ERC2: variants seen among roughly 807,000 people sequenced by gnomAD.
ERC2 encodes ELKS/RAB6-interacting/CAST family member 2, also known as ERC protein 2.
In ERC2, 42 loss-of-function variants were observed where a neutral mutation model predicts 114.8. That is an observed-to-expected ratio of 0.37 (90% CI 0.29 to 0.47). The LOEUF is 0.47. ERC2 is among the 20% of genes least tolerant of loss of function. ERC2 has a pLI of 0.99. For missense variants in ERC2, 939 were observed against 1,150.7 expected (o/e 0.82, Z 2.66); for synonymous variants, 454 against 425.5 (o/e 1.07, Z -0.82).
chr3:56,065,437 C>T (rs1293961799), intron 7 of ERC2, among the ~76,000 whole-genome samples: 1 of 151,858 alleles, frequency 6.6e-6, no homozygotes, highest in African/African-American at 2.4e-5. Context: ...CCCCGGGCTG[C>T]TCTCAAATTC....
intron 6 of ERC2, among the ~76,000 whole-genome samples, chr3:56,107,928 T>G (rs1282851979): frequency 6.6e-6 from 1 of 152,208 alleles, no homozygotes; most frequent in African/African-American, 2.4e-5. Context: ...TGTCAAGAAA[T>G]CTTACTATCC....
chr3:55,572,916 AG>A (rs1426082627), intron 17 of ERC2, among the ~76,000 whole-genome samples: 1 of 152,192 alleles, frequency 6.6e-6, no homozygotes, highest in Non-Finnish European at 1.5e-5. Flanking sequence ...AACACTTCTA[AG>A]TACTGCAGGT....
intron 17 of ERC2, among the ~76,000 whole-genome samples, chr3:55,613,293 T>A (rs1211827120): frequency 6.6e-6 from 1 of 152,186 alleles, no homozygotes; most frequent in Non-Finnish European, 1.5e-5. Context: ...TACATTTCCC[T>A]TGAAAGGTTA....
intron 2 of ERC2, among the ~76,000 whole-genome samples, chr3:56,404,167 G>T (rs2060623435): frequency 6.6e-6 from 1 of 152,204 alleles, no homozygotes; most frequent in Non-Finnish European, 1.5e-5. Flanking sequence ...AAACAGTGAA[G>T]AAAAGTATTA....
chr3:55,774,027 G>A (rs2068421197), intron 14 of ERC2, among the ~76,000 whole-genome samples: 1 of 152,066 alleles, frequency 6.6e-6, no homozygotes, highest in African/African-American at 2.4e-5. Flanking sequence ...TAATCTTTTT[G>A]AAAAACATCC....
chr3:56,291,512 A>C (rs1413670875), intron 3 of ERC2, among the ~76,000 whole-genome samples: 1 of 152,174 alleles, frequency 6.6e-6, no homozygotes, highest in East Asian at 1.9e-4. Flanking sequence ...TGCCAACTCC[A>C]AATCTCCTAA....
At chr3:55,743,593 C>CAAAAAAAAAAA (rs367859231) in intron 14 of ERC2, among the ~76,000 whole-genome samples, 11 of 97,172 alleles carry the variant, frequency 1.1e-4, no homozygotes, top group East Asian at 3.0e-4. Flanking sequence ...CCTGATCCAC[C>CAAAAAAAAAAA]AAAAAAAAAA....
chr3:55,671,767 TGC>T (rs2148736895), intron 17 of ERC2, among the ~76,000 whole-genome samples: 1 of 152,298 alleles, frequency 6.6e-6, no homozygotes, highest in African/African-American at 2.4e-5. Flanking sequence ...TAGCTCCACC[TGC>T]TTGGAAAATG....
At chr3:56,451,587 A>C (rs970190845) in intron 1 of ERC2, among the ~76,000 whole-genome samples, 1 of 152,242 alleles carries the variant, frequency 6.6e-6, no homozygotes, top group African/African-American at 2.4e-5. Context: ...GGTATACAGA[A>C]ACCCCCTTAA....
At chr3:56,110,975 G>A (rs1326534136) in intron 6 of ERC2, among the ~76,000 whole-genome samples, 1 of 152,110 alleles carries the variant, frequency 6.6e-6, no homozygotes, top group Non-Finnish European at 1.5e-5. Context: ...TTGTTGGCCT[G>A]ATCACTGTCT....
chr3:56,116,024 T>C (rs1447632389), intron 6 of ERC2, among the ~76,000 whole-genome samples: 1 of 152,166 alleles, frequency 6.6e-6, no homozygotes, highest in Admixed American at 6.5e-5. Context: ...CCTGGGAAAC[T>C]GCTATAAAGG....
At chr3:56,399,760 T>C (rs1419245708) in intron 2 of ERC2, among the ~76,000 whole-genome samples, 1 of 143,086 alleles carries the variant, frequency 7.0e-6, no homozygotes, top group African/African-American at 2.5e-5. Context: ...CACAAACCTC[T>C]CCCATGAAAA....
intron 17 of ERC2, among the ~76,000 whole-genome samples, chr3:55,666,329 C>T (rs1189837769): frequency 1.3e-5 from 2 of 152,210 alleles, no homozygotes; most frequent in Admixed American, 6.5e-5. Flanking sequence ...ACCTGCCATG[C>T]ACACCTTGAC....
At chr3:55,891,689 C>A (rs2149326242) in intron 13 of ERC2, among the ~76,000 whole-genome samples, 1 of 152,120 alleles carries the variant, frequency 6.6e-6, no homozygotes, top group East Asian at 1.9e-4. Context: ...TCATGATCCA[C>A]CCGCCTTGGC....
intron 6 of ERC2, among the ~76,000 whole-genome samples, chr3:56,108,731 G>A (rs1449900699): frequency 6.6e-6 from 1 of 152,068 alleles, no homozygotes; most frequent in Non-Finnish European, 1.5e-5. Context: ...CAACTAGGGG[G>A]AAATCAGGTA....
rs113128953 is a variant in ERC2, at chr3:55,964,286, A to G, written c.2268-13726T>C. Among the ~76,000 whole-genome samples, 1,294 of 152,344 alleles carry G rather than the reference A, an allele frequency of 8.5e-3. 14 individuals carry two copies. The highest frequency in any genetic ancestry group is 0.03 in the African/African-American group (1,242 of 41,588). On this transcript the variant is annotated intron_variant, in intron 12 of 17. Coordinates refer to ENST00000288221, the MANE Select transcript of ERC2 (RefSeq NM_015576.3). ...AATATGCCCAACATCATATACTTAA[A>G]AAGTTAGGGATGCAGAATTTGAACT...
chr3:56,191,146 A>C (rs1271695664), intron 3 of ERC2, among the ~76,000 whole-genome samples: 1 of 152,172 alleles, frequency 6.6e-6, no homozygotes, highest in Non-Finnish European at 1.5e-5. Flanking sequence ...GAGCTGGCCA[A>C]GGGGAGGCCC....
rs369796154 is a variant in ERC2 at position 56,148,994 on chromosome 3, T to G, written c.1288A>C (p.Lys430Gln). Reference protein sequence around the residue: ...KQIEVYKSHSKFMKTKIDQLK... With the variant: ...KQIEVYKSHSQFMKTKIDQLK... The stretch of plus-strand genomic sequence containing the variant: ...GACCGTACCTTGGTCTTCATAAACT[T>G]GGAGTGACTTTTGTAAACCTCAATT... Residue 430 changes from lysine to glutamine, a missense_variant, in exon 5 of 18, where the codon AAG becomes CAG. Lys to Gln is a moderately conservative substitution (Grantham distance 53). Around this residue, in one of 5 missense-constraint regions of ERC2, gnomAD observed 148 missense variants for 159.1 expected, o/e 0.93. Coordinates refer to ENST00000288221, the MANE Select transcript of ERC2 (RefSeq NM_015576.3). 1.2e-6 allele frequency: 2 copies of G among 1,613,168 alleles called. No individual in the cohort carries two copies.
rs369361528 is a variant in ERC2, at chr3:56,150,974, A to G, written c.1150-1842T>C. Among the ~76,000 whole-genome samples the G allele has an allele frequency of 5.3e-5, 8 of 152,120 alleles. No homozygotes were observed. The East Asian group carries it at 7.7e-4, about 15-fold the overall frequency. ...GAAGCTGCTCACTCTCGCTCTCTCT[A>G]CCAAGAAAGGACATGGGGAGAAGGC... On this transcript the variant is annotated intron_variant, in intron 4 of 17. Transcript: ENST00000288221.
Sources: allele counts gnomAD v4.1 joint callset (sites outside exome capture counted in the v4.1 genomes callset), GRCh38; gene constraint gnomAD v4.1.1; regional missense constraint gnomAD v4.1.1; transcripts MANE v1.5; gene names NCBI Gene and HGNC (gene_info 2026-07-23, HGNC 2026-07-21).